IPO5: variants seen among roughly 807,000 people sequenced by gnomAD.
IPO5 encodes importin-5.
A neutral mutation model predicts 143.3 loss-of-function variants in IPO5; 18 were observed. The observed-to-expected ratio is 0.13, with a 90% confidence interval of 0.09 to 0.19. IPO5 has a LOEUF of 0.19. Ranked by LOEUF, IPO5 falls within the 10% of genes least tolerant of loss-of-function variation. IPO5 has a pLI of 1.00. For synonymous variants in IPO5, 477 were observed against 465.7 expected, an observed-to-expected ratio of 1.02 and a Z score of -0.31; for missense variants, 1,013 against 1,336.9, an observed-to-expected ratio of 0.76 and a Z score of 3.78.
At chr13:97,989,014 T>G in intron 6 of IPO5, 48 bp from the exon 7 acceptor site, 1 of 1,036,538 alleles carries the variant, frequency 9.6e-7, no homozygotes, top group South Asian at 1.3e-5. Context: ...CCTAGTATAT[T>G]GAAGTTCTGA....
chr13:97,965,282 A>G (rs1885234619), intron 2 of IPO5, among the ~76,000 whole-genome samples: 3 of 152,146 alleles, frequency 2.0e-5, no homozygotes. Flanking sequence ...AGGTGCAGCA[A>G]ACCACCATGG....
In IPO5 at chr13:97,990,203, A is replaced by C. The variant is rs1250379075; in HGVS notation, c.545A>C (p.Gln182Pro). ...AAACGAATGTTAGTTCAGTGTATGC[A>C]AGATCAGGAACACCCGTCGGTAAAT... The part of the protein sequence containing the change: ...VIKRMLVQCM[Q>P]DQEHPSIRTL... The change falls in exon 8 of 29, where the codon CAA becomes CCA. Residue 182 changes from glutamine to proline, a missense_variant. Around this residue, in one of 2 missense-constraint regions of IPO5, gnomAD observed 328 missense variants for 342.0 expected, o/e 0.96. Coordinates refer to ENST00000651721, the MANE Select transcript of IPO5 (RefSeq NM_002271.6). 1 of 1,607,608 alleles carries C rather than the reference A, an allele frequency of 6.2e-7. No homozygotes were observed. The highest frequency in any genetic ancestry group is 8.5e-7 in the Non-Finnish European group (1 of 1,174,494).
At chr13:98,002,648 T>C in intron 14 of IPO5, 36 bp from the exon 15 acceptor site, 2 of 1,607,046 alleles carry the variant, frequency 1.2e-6, no homozygotes, top group Non-Finnish European at 1.7e-6. Flanking sequence ...TGTGGAAACC[T>C]TCTTGCTTTT....
intron 3 of IPO5, among the ~76,000 whole-genome samples, chr13:97,973,038 C>CTTT (rs34572861): frequency 4.5e-4 from 34 of 76,306 alleles, no homozygotes; most frequent in Non-Finnish European, 7.6e-4. Flanking sequence ...CTTTTATCTT[C>CTTT]TTTTTTTTTT....
intron 12 of IPO5, 149 bp from the exon 13 acceptor site, chr13:98,000,389 AC>A (rs1594098366): frequency 3.6e-6 from 2 of 557,326 alleles, no homozygotes; most frequent in Non-Finnish European, 6.4e-6. Context: ...AGAGTTTTTA[AC>A]CCCTAATTTC....
At chr13:98,019,533 A>G (rs1489138106) in intron 26 of IPO5, 48 bp from the exon 27 acceptor site, 2 of 1,258,882 alleles carry the variant, frequency 1.6e-6, no homozygotes, top group East Asian at 2.3e-5. Flanking sequence ...ATTCATTTGC[A>G]TGAAAATGTG....
chr13:97,955,902 C>T lies in IPO5; in HGVS notation c.-113+1704C>T, dbSNP rs148412689. Among the ~76,000 whole-genome samples, 1,183 of 152,294 alleles carry T rather than the reference C, an allele frequency of 7.8e-3. 14 individuals carry two copies. Among genetic ancestry groups the T allele is most frequent in the Non-Finnish European group, 9.4e-3 (638 of 68,018 alleles). ...ATCCCAGCACTTTGGGAGGCCAAGG[C>T]AGGCGGATCACAAGGTCAGGAGACC... On this transcript the variant is annotated intron_variant, in intron 2 of 28. Transcript: ENST00000651721.
At chr13:97,967,732 T>C (rs1057372452) in intron 2 of IPO5, among the ~76,000 whole-genome samples, 4 of 151,904 alleles carry the variant, frequency 2.6e-5, no homozygotes, top group Non-Finnish European at 4.4e-5. Flanking sequence ...CCCGGGTTCA[T>C]GCCATTCTCC....
chr13:98,018,544 A>G lies in IPO5; in HGVS notation c.2676A>G (p.Ile892Met), dbSNP rs201070600. ...GATTATGCATCTTTGATGATGTCAT[A>G]GAACACTGTAGTCCAGCCTCATTTA... ...QWGLCIFDDV[I>M]EHCSPASFKY... The change falls in exon 26 of 29, where the codon ATA (isoleucine) becomes ATG (methionine). Residue 892 changes from isoleucine (I) to methionine (M), a missense_variant. Physicochemically the swap from Ile to Met is conservative, Grantham distance 10. Coordinates refer to ENST00000651721, the MANE Select transcript of IPO5 (RefSeq NM_002271.6). The G allele has an allele frequency of 6.1e-5, 98 of 1,614,080 alleles. No homozygotes were observed. The highest frequency in any genetic ancestry group is 3.6e-5 in the Non-Finnish European group (42 of 1,180,008).
intron 2 of IPO5, among the ~76,000 whole-genome samples, chr13:97,960,795 G>A (rs1884809703): frequency 6.6e-6 from 1 of 152,150 alleles, no homozygotes. Context: ...CTGACCTCAG[G>A]TGATCCACTC....
chr13:98,013,803 T>C (rs1244301765), intron 21 of IPO5, among the ~76,000 whole-genome samples: 1 of 152,128 alleles, frequency 6.6e-6, no homozygotes, highest in Admixed American at 6.6e-5. Flanking sequence ...TGTATTTTGG[T>C]TTACATTTGA....
intron 17 of IPO5, among the ~76,000 whole-genome samples, chr13:98,006,866 G>GTTTTTTTTTTTTTTTTTTTT (rs869302123): frequency 8.0e-6 from 1 of 125,074 alleles, no homozygotes; most frequent in Non-Finnish European, 1.7e-5. Flanking sequence ...TTGGTTTGGT[G>GTTTTTTTTTTTTTTTTTTTT]TTTTTTTTTT....
chr13:97,982,700 T>G, intron 5 of IPO5, 117 bp downstream of exon 5: 2 of 681,422 alleles, frequency 2.9e-6, no homozygotes, highest in African/African-American at 3.6e-5. Flanking sequence ...TTACTAGAAC[T>G]TTGTACTTAT....
intron 21 of IPO5, among the ~76,000 whole-genome samples, chr13:98,012,589 G>A (rs1889794905): frequency 6.6e-6 from 1 of 152,068 alleles, no homozygotes; most frequent in Non-Finnish European, 1.5e-5. Flanking sequence ...AGGATTTAAG[G>A]ATAATTAGCA....
chr13:98,019,407 G>C (rs750697154), intron 26 of IPO5, among the ~76,000 whole-genome samples, 174 bp from the exon 27 acceptor site: 4 of 152,188 alleles, frequency 2.6e-5, no homozygotes, highest in Non-Finnish European at 5.9e-5. Context: ...CCATGCTGGG[G>C]CAGTCCCCCC....
intron 18 of IPO5, among the ~76,000 whole-genome samples, chr13:98,008,829 A>G (rs1308381548): frequency 1.3e-5 from 2 of 152,218 alleles, no homozygotes; most frequent in Non-Finnish European, 2.9e-5. Flanking sequence ...AATGCCTAAC[A>G]TATAACAAGG....
Position 97,992,952 on chromosome 13 carries a change from G to T in IPO5, c.730G>T (p.Ala244Ser). Residue 244 changes from alanine (A) to serine (S), a missense_variant, in exon 10 of 29, where the codon GCA becomes TCA. Coordinates refer to ENST00000651721, the MANE Select transcript of IPO5 (RefSeq NM_002271.6). The part of the protein sequence containing the change: ...DSVLKSLVEI[A>S]DTVPKYLRPH... ...TGTCCTAAAATCCCTCGTTGAGATTGCAGATACTGTTCCAAAGTATTTGCG... is the reference window on the plus strand; with the variant it reads ...TGTCCTAAAATCCCTCGTTGAGATTTCAGATACTGTTCCAAAGTATTTGCG... 1 of 1,613,858 alleles carries T rather than the reference G, an allele frequency of 6.2e-7. No individual in the cohort carries two copies. Among genetic ancestry groups the T allele is most frequent in the Non-Finnish European group, 8.5e-7 (1 of 1,179,782 alleles).
At position 97,982,536 on chromosome 13, in the gene IPO5, A is replaced by G; in HGVS notation, c.124A>G (p.Ile42Val). The G allele has an allele frequency of 6.2e-7, 1 of 1,613,148 alleles. No homozygotes were observed. The highest frequency in any genetic ancestry group is 8.5e-7 in the Non-Finnish European group (1 of 1,179,338). The change falls in exon 5 of 29, where the codon ATC becomes GTC. Residue 42 changes from isoleucine (I) to valine (V), a missense_variant. Ile to Val is a conservative substitution (Grantham distance 29). This residue lies in a region of IPO5 where 328 missense variants were observed against 342.0 expected (regional missense o/e 0.96). Coordinates refer to ENST00000651721, the MANE Select transcript of IPO5 (RefSeq NM_002271.6). ...TGAGAATATCCCAGGCCAGTCAAAGATCACATTCCTCTTACAAGCCATCAG... is the reference window on the plus strand; with the variant it reads ...TGAGAATATCCCAGGCCAGTCAAAGGTCACATTCCTCTTACAAGCCATCAG... ...TYENIPGQSK[I>V]TFLLQAIRNT...
intron 6 of IPO5, among the ~76,000 whole-genome samples, chr13:97,988,291 T>G (rs1311336883): frequency 6.6e-6 from 1 of 152,246 alleles, no homozygotes; most frequent in African/African-American, 2.4e-5. Flanking sequence ...GTGAGCACCC[T>G]GTATGGGTCC....
Sources: allele counts gnomAD v4.1 joint callset (sites outside exome capture counted in the v4.1 genomes callset), GRCh38; gene constraint gnomAD v4.1.1; regional missense constraint gnomAD v4.1.1; transcripts MANE v1.5; gene names NCBI Gene and HGNC (gene_info 2026-07-23, HGNC 2026-07-21).